The following ABTB3 variants were observed in gnomAD, a reference collection of about 807,000 sequenced individuals.
ABTB3 encodes ankyrin repeat and BTB domain containing 3.
the ABTB3 span, among the ~76,000 whole-genome samples, chr12:107,440,727 AGAAGGGAGGCAGGGAAATG>A: frequency 6.6e-6 from 1 of 152,176 alleles, no homozygotes; most frequent in African/African-American, 2.4e-5. Context: ...GAAGAAGGAA[AGAAGGGAGGCAGGGAAATG>A]GAAGGGAGGC....
At chr12:107,504,470 C>T in the ABTB3 span, among the ~76,000 whole-genome samples, 2 of 152,208 alleles carry the variant, frequency 1.3e-5, no homozygotes, top group African/African-American at 4.8e-5. Flanking sequence ...AATAGTTCCT[C>T]ACTATATCAT....
chr12:107,576,495 CTCT>C, the ABTB3 span, among the ~76,000 whole-genome samples: 1 of 152,120 alleles, frequency 6.6e-6, no homozygotes, highest in Non-Finnish European at 1.5e-5. Context: ...TCCTGATCTC[CTCT>C]TCTTCTAAGG....
At chr12:107,433,015 G>A in the ABTB3 span, among the ~76,000 whole-genome samples, 4 of 152,134 alleles carry the variant, frequency 2.6e-5, no homozygotes, top group African/African-American at 4.8e-5. Context: ...GCCGGGCGCG[G>A]TGGCTCACGC....
chr12:107,527,605 A>T, the ABTB3 span, among the ~76,000 whole-genome samples: 2 of 151,870 alleles, frequency 1.3e-5, no homozygotes, highest in East Asian at 3.9e-4. Flanking sequence ...AACATCACTG[A>T]ACCTCCAGTG....
chr12:107,333,994 C>T, the ABTB3 span, among the ~76,000 whole-genome samples: 9 of 152,112 alleles, frequency 5.9e-5, no homozygotes, highest in African/African-American at 2.2e-4. Context: ...CTGTTTCAGG[C>T]AGAGGGAACA....
At chr12:107,541,205 G>A in the ABTB3 span, among the ~76,000 whole-genome samples, 2 of 152,160 alleles carry the variant, frequency 1.3e-5, no homozygotes, top group Non-Finnish European at 1.5e-5. Flanking sequence ...CTAAGCCTTC[G>A]GAGGAGAAAC....
chr12:107,541,236 C>T, the ABTB3 span, among the ~76,000 whole-genome samples: 5 of 152,176 alleles, frequency 3.3e-5, no homozygotes, highest in Admixed American at 1.3e-4. Context: ...CACTTTGCCT[C>T]ACTTACTCGA....
At chr12:107,566,418 T>G in the ABTB3 span, among the ~76,000 whole-genome samples, 1 of 152,144 alleles carries the variant, frequency 6.6e-6, no homozygotes, top group Admixed American at 6.6e-5. Flanking sequence ...CCAATTTAAC[T>G]CTGAAAGGGA....
chr12:107,637,248 C>T, the ABTB3 span, among the ~76,000 whole-genome samples: 12 of 152,228 alleles, frequency 7.9e-5, no homozygotes, highest in South Asian at 4.2e-4. Context: ...AAAAATTATC[C>T]GGACGCAATG....
chr12:107,454,445 G>C, the ABTB3 span, among the ~76,000 whole-genome samples: 1 of 152,200 alleles, frequency 6.6e-6, no homozygotes, highest in Non-Finnish European at 1.5e-5. Context: ...GGTTAGGGGG[G>C]TTCATCCAGG....
the ABTB3 span, among the ~76,000 whole-genome samples, chr12:107,492,700 C>G: frequency 1.3e-5 from 2 of 152,116 alleles, no homozygotes; most frequent in African/African-American, 4.8e-5. Context: ...GAGGTCTGCC[C>G]TGTCCTTCCA....
At chr12:107,389,880 GTGTA>G in the ABTB3 span, among the ~76,000 whole-genome samples, 2 of 134,664 alleles carry the variant, frequency 1.5e-5, no homozygotes, top group Non-Finnish European at 3.2e-5. Flanking sequence ...GTGTGTGTGT[GTGTA>G]TGTATCTGTC....
the ABTB3 span, among the ~76,000 whole-genome samples, chr12:107,593,716 C>T: frequency 6.6e-6 from 1 of 152,146 alleles, no homozygotes; most frequent in Non-Finnish European, 1.5e-5. Flanking sequence ...TATAACAGTC[C>T]AGACATAAGC....
At chr12:107,618,742 G>A in the ABTB3 span, among the ~76,000 whole-genome samples, 1 of 152,220 alleles carries the variant, frequency 6.6e-6, no homozygotes, top group Non-Finnish European at 1.5e-5. Flanking sequence ...TCGAGGGTCT[G>A]GATGGATAAA....
At chr12:107,367,875 C>A in the ABTB3 span, among the ~76,000 whole-genome samples, 2 of 152,136 alleles carry the variant, frequency 1.3e-5, no homozygotes, top group African/African-American at 4.8e-5. Flanking sequence ...TCATCCAAGG[C>A]GTTTAATATA....
At chr12:107,544,159 G>GCCTTT in the ABTB3 span, 8,944 of 1,610,762 alleles carry the variant, frequency 5.6e-3, 738 homozygotes, top group East Asian at 0.18. Flanking sequence ...GCCTTGCCTT[G>GCCTTT]CCTTGTGGTG....
At chr12:107,396,437 G>C in the ABTB3 span, among the ~76,000 whole-genome samples, 6 of 152,180 alleles carry the variant, frequency 3.9e-5, no homozygotes, top group Non-Finnish European at 7.3e-5. Context: ...ACACTTCTTG[G>C]AGTTGTGAAG....
the ABTB3 span, among the ~76,000 whole-genome samples, chr12:107,502,872 T>C: frequency 6.6e-6 from 1 of 152,094 alleles, no homozygotes; most frequent in African/African-American, 2.4e-5. Flanking sequence ...CACCAGTCAG[T>C]AGAAAAACTG....
the ABTB3 span, among the ~76,000 whole-genome samples, chr12:107,392,016 G>A: frequency 6.6e-6 from 1 of 152,196 alleles, no homozygotes; most frequent in African/African-American, 2.4e-5. Context: ...TCGAAGGCAA[G>A]TTACTTACTG....
Sources: allele counts gnomAD v4.1 joint callset (sites outside exome capture counted in the v4.1 genomes callset), GRCh38; gene constraint gnomAD v4.1.1; transcripts MANE v1.5; gene names NCBI Gene and HGNC (gene_info 2026-07-23, HGNC 2026-07-21).